The following SLC36A4 variants were observed in gnomAD, a reference collection of about 807,000 sequenced individuals.
SLC36A4 encodes the protein neutral amino acid uniporter 4.
Under a neutral mutation model 50.5 loss-of-function variants are expected in SLC36A4, and 49 were observed. The observed-to-expected ratio is 0.97, with a 90% CI of 0.77 to 1.23. The LOEUF (loss-of-function observed/expected upper bound fraction) is 1.23. Among genes scored for constraint, SLC36A4 ranks in the 50% most tolerant of loss-of-function variants. SLC36A4 has a pLI of 0.00. For synonymous variants in SLC36A4, 207 were observed against 206.5 expected, an observed-to-expected ratio of 1.00 and a Z score of -0.02; for missense variants, 611 against 608.4, an observed-to-expected ratio of 1.00 and a Z score of -0.05.
chr11:93,145,254 T>C lies in SLC36A4; in HGVS notation c.*3283A>G, dbSNP rs1433522252. 1 of 152,108 alleles carries C rather than the reference T, an allele frequency of 6.6e-6. No individual in the cohort carries two copies. The highest frequency in any genetic ancestry group is 1.5e-5 in the Non-Finnish European group (1 of 67,996). The allele number at this position is 152,108 out of a possible 1,614,324, so 9.4% of individuals were successfully genotyped here. On this transcript the variant is annotated 3_prime_UTR_variant, in exon 11 of 11. Transcript: ENST00000326402. ...AGACACTGTTAGGAAATTCAAAACA[T>C]GCACATTGACATACAACGCTTGTAA...
chr11:93,165,653 A>G (rs1860826983), intron 8 of SLC36A4, among the ~76,000 whole-genome samples: 1 of 152,090 alleles, frequency 6.6e-6, no homozygotes, highest in African/African-American at 2.4e-5. Flanking sequence ...TTCCATAATA[A>G]AATGTTAAAA....
At chr11:93,187,509 C>A (rs1213364818) in intron 1 of SLC36A4, among the ~76,000 whole-genome samples, 2 of 152,146 alleles carry the variant, frequency 1.3e-5, no homozygotes, top group African/African-American at 2.4e-5. Context: ...ATATCTCTGA[C>A]CCTTCTGATG....
At chr11:93,183,590 CT>C (rs1337019315) in intron 3 of SLC36A4, among the ~76,000 whole-genome samples, 28 of 152,044 alleles carry the variant, frequency 1.8e-4, no homozygotes, top group Admixed American at 1.8e-3. Flanking sequence ...AAATGGGTTT[CT>C]CCCCTATCAA....
In SLC36A4 at chr11:93,192,934, A is replaced by G. The variant is rs2134714779; in HGVS notation, c.55+4844T>C. ...GTGATGTCATCACAAATGATAATGTATATGAAGTTATTATATATATTACAT... is the reference window on the plus strand; with the variant it reads ...GTGATGTCATCACAAATGATAATGTGTATGAAGTTATTATATATATTACAT... On this transcript the variant is annotated intron_variant, in intron 1 of 10. Transcript: ENST00000326402. 2 of 153,716 alleles carry G rather than the reference A, an allele frequency of 1.3e-5. 1 individual carries two copies. Among genetic ancestry groups the G allele is most frequent in the Middle Eastern group, 6.8e-3 (2 of 296 alleles). 9.5% of individuals were successfully genotyped at this position (153,716 alleles called of 1,614,324 possible).
intron 6 of SLC36A4, chr11:93,180,107 G>GA (rs1294300280): frequency 1.1e-6 from 1 of 949,408 alleles, no homozygotes; most frequent in Non-Finnish European, 1.3e-6. Flanking sequence ...TGGACATGTG[G>GA]ATAATTAATA....
intron 1 of SLC36A4, among the ~76,000 whole-genome samples, chr11:93,196,358 GTC>G (rs1424625346): frequency 6.6e-6 from 1 of 152,032 alleles, no homozygotes; most frequent in African/African-American, 2.4e-5. Context: ...GAATTGCTGG[GTC>G]AAACGATAAG....
chr11:93,180,647 G>GA, intron 6 of SLC36A4, 150 bp downstream of exon 6: 1 of 691,592 alleles, frequency 1.4e-6, no homozygotes. Context: ...CAACTTGCAA[G>GA]AAAAAAGACT....
intron 10 of SLC36A4, 24 bp downstream of exon 10, chr11:93,154,084 A>T: frequency 8.9e-7 from 1 of 1,127,132 alleles, no homozygotes; most frequent in East Asian, 2.9e-5. Flanking sequence ...AATTATTATG[A>T]TATAAATATA....
rs370434531 is a variant in SLC36A4, at chr11:93,197,977, C to T, written c.-145G>A. The T allele has an allele frequency of 1.2e-6, 1 of 829,874 alleles. No homozygotes were observed. The highest frequency in any genetic ancestry group is 3.4e-5 in the East Asian group (1 of 29,350). The allele number at this position is 829,874 out of a possible 1,614,324, so 51.4% of individuals were successfully genotyped here. On this transcript the variant is annotated 5_prime_UTR_variant, in exon 1 of 11. Transcript: ENST00000326402. Reference sequence around the variant, plus strand: ...CCTGCCCCGGCGCTCCCCAACCGCGCGGCGAGGAGCATGCGCAGTGGGACA... The same window carrying T: ...CCTGCCCCGGCGCTCCCCAACCGCGTGGCGAGGAGCATGCGCAGTGGGACA...
chr11:93,171,983 T>G (rs1219651674), intron 6 of SLC36A4: 2 of 152,192 alleles, frequency 1.3e-5, no homozygotes, highest in African/African-American at 4.8e-5. Flanking sequence ...CTACTTGCTC[T>G]CGCTAAGACC....
intron 9 of SLC36A4, 95 bp downstream of exon 9, chr11:93,162,611 G>T: frequency 9.0e-7 from 1 of 1,115,160 alleles, no homozygotes; most frequent in Non-Finnish European, 1.3e-6. Flanking sequence ...AATTTTAAAT[G>T]TTTAAACCAT....
At chr11:93,168,312 C>A (rs151118547) in intron 6 of SLC36A4, 141 bp from the exon 7 acceptor site, 1 of 456,774 alleles carries the variant, frequency 2.2e-6, no homozygotes, top group Non-Finnish European at 3.9e-6. Context: ...TTTACATTTA[C>A]ATTTTTTCAA....
intron 6 of SLC36A4, among the ~76,000 whole-genome samples, chr11:93,173,906 C>T (rs1169545767): frequency 7.1e-6 from 1 of 140,032 alleles, no homozygotes; most frequent in Non-Finnish European, 1.5e-5. Context: ...GTTCTTTTGG[C>T]TTAGGATTGA....
intron 1 of SLC36A4, 55 bp downstream of exon 1, chr11:93,197,723 C>T: frequency 1.3e-6 from 2 of 1,554,310 alleles, no homozygotes; most frequent in Non-Finnish European, 8.7e-7. Flanking sequence ...ACCCGACTCC[C>T]GCACAGACCC....
At chr11:93,196,512 G>A (rs1476834201) in intron 1 of SLC36A4, among the ~76,000 whole-genome samples, 1 of 152,022 alleles carries the variant, frequency 6.6e-6, no homozygotes, top group East Asian at 1.9e-4. Context: ...GACTACAGGC[G>A]CCCGCCACCA....
rs373793634 is a variant in SLC36A4 at position 93,154,161 on chromosome 11, T to C, written c.1154A>G (p.Lys385Arg). 6 of 1,565,528 alleles carry C rather than the reference T, an allele frequency of 3.8e-6. No homozygotes were observed. Among genetic ancestry groups the C allele is most frequent in the Non-Finnish European group, 5.2e-6 (6 of 1,159,194 alleles). Residue 385 changes from lysine (K) to arginine (R), a missense_variant, in exon 10 of 11, where the codon AAA becomes AGA. By Grantham distance (26) the Lys-to-Arg change is conservative (BLOSUM62 2). Coordinates refer to ENST00000326402, the MANE Select transcript of SLC36A4 (RefSeq NM_152313.4). ...IPGITSKFHTKWKQICEFGIR... is the reference protein window; with the variant it reads ...IPGITSKFHTRWKQICEFGIR... ...CCCAAATTCACAGATTTGCTTCCAT[T>C]TAGTATGAAATTTGGATGTGATCCC...
chr11:93,144,982 T>G lies in SLC36A4; in HGVS notation c.*3555A>C, dbSNP rs1363493387. On this transcript the variant is annotated 3_prime_UTR_variant, in exon 11 of 11. Coordinates refer to ENST00000326402, the MANE Select transcript of SLC36A4 (RefSeq NM_152313.4). ...TATTTATTATTTACACTAGCTCTATTTCAAATCTTCTCCTTTTAAATGAAG... is the reference window on the plus strand; with the variant it reads ...TATTTATTATTTACACTAGCTCTATGTCAAATCTTCTCCTTTTAAATGAAG... The G allele has an allele frequency of 1.3e-5, 2 of 152,056 alleles. No individual in the cohort carries two copies. Among genetic ancestry groups the G allele is most frequent in the Non-Finnish European group, 2.9e-5 (2 of 67,950 alleles). 9.4% of individuals were successfully genotyped at this position (152,056 alleles called of 1,614,324 possible). A position where few individuals can be genotyped will look rare whatever the true frequency, so the allele number is the denominator to read the frequency against.
intron 1 of SLC36A4, chr11:93,197,505 G>A (rs184236809): frequency 5.0e-4 from 261 of 517,278 alleles, no homozygotes; most frequent in African/African-American, 4.6e-3. Flanking sequence ...TACCCACAGG[G>A]CCCCGCCCCA....
chr11:93,164,123 T>C (rs530949360), intron 8 of SLC36A4, among the ~76,000 whole-genome samples: 8 of 152,260 alleles, frequency 5.3e-5, no homozygotes, highest in African/African-American at 1.9e-4. Context: ...GATCTGGGTG[T>C]GTGCTTGTTG....
Sources: allele counts gnomAD v4.1 joint callset (sites outside exome capture counted in the v4.1 genomes callset), GRCh38; gene constraint gnomAD v4.1.1; transcripts MANE v1.5; gene names NCBI Gene and HGNC (gene_info 2026-07-23, HGNC 2026-07-21).